The following TMEM74 variants were observed in gnomAD, a reference collection of about 807,000 sequenced individuals.
TMEM74 encodes transmembrane protein 74.
TMEM74 carries 13 observed loss-of-function variants against 18.1 expected under a neutral mutation model. That is an observed-to-expected ratio of 0.72 (90% CI 0.47 to 1.14). The LOEUF (loss-of-function observed/expected upper bound fraction) is 1.14. Among genes scored for constraint, TMEM74 ranks in the 50% most tolerant of loss-of-function variants. TMEM74 has a pLI of 0.00. For synonymous variants in TMEM74, 159 were observed against 146.6 expected, an observed-to-expected ratio of 1.08 and a Z score of -0.61; for missense variants, 372 against 375.9, an observed-to-expected ratio of 0.99 and a Z score of 0.09.
At chr8:108,701,299 T>C (rs1813332910) in intron 1 of TMEM74, among the ~76,000 whole-genome samples, 1 of 152,044 alleles carries the variant, frequency 6.6e-6, no homozygotes, top group African/African-American at 2.4e-5. Flanking sequence ...CCATACTCAA[T>C]AGTTATAAAC....
chr8:108,611,547 A>G (rs531366648), intron 2 of TMEM74, among the ~76,000 whole-genome samples: 2 of 152,318 alleles, frequency 1.3e-5, no homozygotes, highest in African/African-American at 2.4e-5. Context: ...TTTCAAATTA[A>G]TAGATAGTGC....
intron 1 of TMEM74, among the ~76,000 whole-genome samples, chr8:108,661,586 G>A (rs1045132935): frequency 6.6e-6 from 1 of 151,894 alleles, no homozygotes; most frequent in African/African-American, 2.4e-5. Context: ...CTTGAACCAG[G>A]CACTGAAAGT....
intron 2 of TMEM74, among the ~76,000 whole-genome samples, chr8:108,611,983 A>G (rs945081819): frequency 6.6e-5 from 10 of 152,166 alleles, no homozygotes; most frequent in Non-Finnish European, 1.5e-4. Context: ...GGGCGGTAGG[A>G]GAGAAAAGTG....
chr8:108,753,375 A>C (rs1813922747), intron 1 of TMEM74, among the ~76,000 whole-genome samples: 1 of 152,054 alleles, frequency 6.6e-6, no homozygotes, highest in Non-Finnish European at 1.5e-5. Context: ...TGGATGTCTA[A>C]GAATAAACAG....
chr8:108,765,932 AG>A (rs547072522), intron 1 of TMEM74, among the ~76,000 whole-genome samples: 1,035 of 55,336 alleles, frequency 0.019, 8 homozygotes, highest in Non-Finnish European at 0.021. Context: ...TGAAAAAAAA[AG>A]TGTGTAAGAA....
intron 2 of TMEM74, among the ~76,000 whole-genome samples, chr8:108,649,866 G>C (rs949784606): frequency 2.0e-5 from 3 of 152,078 alleles, no homozygotes; most frequent in African/African-American, 4.8e-5. Flanking sequence ...CTAAATGCGG[G>C]TTAACAGCCT....
At chr8:108,776,134 TA>T (rs1359677357), downstream of TMEM74, among the ~76,000 whole-genome samples, 1 of 152,210 alleles carries the variant, frequency 6.6e-6, no homozygotes, top group African/African-American at 2.4e-5. Flanking sequence ...CTATGAATGT[TA>T]AAAACAATTC....
chr8:108,661,615 A>G lies in TMEM74; in HGVS notation n.120-6178T>C, dbSNP rs566453935. ...TGAAAGTACATGGGTTCATATGTCT[A>G]TGAAACCATGTCTTACGGAGAAGAC... On this transcript the variant is annotated intron_variant and non_coding_transcript_variant, in intron 1 of 3. Transcript: ENST00000518838. 6.0e-4 allele frequency among the ~76,000 whole-genome samples: 91 copies of G among 152,218 alleles called. 1 individual carries two copies. Among genetic ancestry groups the G allele is most frequent in the Middle Eastern group, 3.4e-3 (1 of 294 alleles).
chr8:108,732,174 T>C (rs1356729414), intron 1 of TMEM74, among the ~76,000 whole-genome samples: 4 of 152,154 alleles, frequency 2.6e-5, no homozygotes, highest in Admixed American at 6.5e-5. Context: ...ATTGGAGCCA[T>C]AAAATACTAA....
intron 1 of TMEM74, among the ~76,000 whole-genome samples, chr8:108,691,924 T>C (rs192006139): frequency 1.3e-5 from 2 of 152,094 alleles, no homozygotes; most frequent in African/African-American, 4.8e-5. Context: ...GGCAACAGAT[T>C]TTTTTTAAAA....
chr8:108,686,044 A>G (rs1453137534), intron 1 of TMEM74, among the ~76,000 whole-genome samples: 1 of 152,176 alleles, frequency 6.6e-6, no homozygotes, highest in East Asian at 1.9e-4. Context: ...GTATAAATTA[A>G]AGAAAATCCT....
chr8:108,786,974 A>G (rs1814393239), intron 1 of TMEM74, among the ~76,000 whole-genome samples: 1 of 152,184 alleles, frequency 6.6e-6, no homozygotes, highest in Non-Finnish European at 1.5e-5. Flanking sequence ...TTTCCTTTGC[A>G]GCTCCCTAAT....
chr8:108,681,937 C>G (rs1813119215), intron 1 of TMEM74, among the ~76,000 whole-genome samples: 1 of 152,130 alleles, frequency 6.6e-6, no homozygotes, highest in Non-Finnish European at 1.5e-5. Flanking sequence ...GTCCAAGCCA[C>G]CATTACTTCC....
At chr8:108,752,174 T>C (rs950384038) in intron 1 of TMEM74, among the ~76,000 whole-genome samples, 1 of 152,146 alleles carries the variant, frequency 6.6e-6, no homozygotes, top group Non-Finnish European at 1.5e-5. Context: ...GCACTGGATC[T>C]GAAGCTGAAC....
At chr8:108,739,894 G>A (rs1451503080) in intron 1 of TMEM74, among the ~76,000 whole-genome samples, 1 of 152,030 alleles carries the variant, frequency 6.6e-6, no homozygotes, top group Non-Finnish European at 1.5e-5. Context: ...AAGACAATTT[G>A]AGAGAGAGAA....
At chr8:108,739,085 A>T (rs1333274899) in intron 1 of TMEM74, among the ~76,000 whole-genome samples, 1 of 152,196 alleles carries the variant, frequency 6.6e-6, no homozygotes, top group African/African-American at 2.4e-5. Flanking sequence ...AAGGCAAGAA[A>T]ATTGGGGGCC....
chr8:108,716,769 A>G (rs1256767634), intron 1 of TMEM74, among the ~76,000 whole-genome samples: 1 of 151,756 alleles, frequency 6.6e-6, no homozygotes, highest in African/African-American at 2.4e-5. Context: ...ATCAAAGGGG[A>G]GTCTCTTTAA....
At chr8:108,708,616 T>A (rs76085619) in intron 1 of TMEM74, among the ~76,000 whole-genome samples, 7,082 of 152,134 alleles carry the variant, frequency 0.047, 259 homozygotes, top group Non-Finnish European at 0.074. Context: ...CTCTAATGGT[T>A]AATGTTTAGC....
At chr8:108,701,932 A>T (rs1037740330) in intron 1 of TMEM74, among the ~76,000 whole-genome samples, 2 of 152,180 alleles carry the variant, frequency 1.3e-5, no homozygotes, top group African/African-American at 4.8e-5. Flanking sequence ...GTGGTAAAAA[A>T]ATCCATAATA....
Sources: allele counts gnomAD v4.1 joint callset (sites outside exome capture counted in the v4.1 genomes callset), GRCh38; gene constraint gnomAD v4.1.1; transcripts MANE v1.5; gene names NCBI Gene and HGNC (gene_info 2026-07-23, HGNC 2026-07-21).